Variants in KIF26B observed in about 807,000 individuals in gnomAD.
KIF26B encodes the protein kinesin-like protein KIF26B.
In KIF26B, 63 loss-of-function variants were observed where a neutral mutation model predicts 151.2. The observed-to-expected ratio is 0.42, with a 90% confidence interval of 0.34 to 0.51. The LOEUF (loss-of-function observed/expected upper bound fraction) is 0.51. Among genes scored for constraint, KIF26B ranks in the 20% least tolerant of loss-of-function variants. The pLI is 0.07. For synonymous variants in KIF26B, 1,357 were observed against 1,262.1 expected (o/e 1.08, Z -1.59); for missense variants, 2,813 against 2,913.6 (o/e 0.97, Z 0.79).
At chr1:245,482,370 G>A (rs1660186476) in intron 4 of KIF26B, among the ~76,000 whole-genome samples, 2 of 151,880 alleles carry the variant, frequency 1.3e-5, no homozygotes, top group Admixed American at 6.6e-5. Context: ...TTACAGGCAT[G>A]AGCCACCATG....
chr1:245,206,807 ATATCT>A (rs1318418717), intron 2 of KIF26B: 5 of 152,242 alleles, frequency 3.3e-5, no homozygotes, highest in Admixed American at 1.3e-4. Flanking sequence ...AAAAAATTAA[ATATCT>A]TAAGTTAGTT....
intron 2 of KIF26B, among the ~76,000 whole-genome samples, chr1:245,186,189 T>C (rs1668997644): frequency 6.6e-6 from 1 of 151,860 alleles, no homozygotes; most frequent in Non-Finnish European, 1.5e-5. Flanking sequence ...TTTCTTAAGA[T>C]GGTCCCTTCT....
At chr1:245,684,531 G>A (rs541356161) in intron 11 of KIF26B, 136 bp downstream of exon 11, 157 of 921,288 alleles carry the variant, frequency 1.7e-4, no homozygotes, top group Non-Finnish European at 2.3e-4. Context: ...CTGACAACAC[G>A]TGGCTCAGGG....
intron 4 of KIF26B, among the ~76,000 whole-genome samples, chr1:245,440,199 C>G (rs552619408): frequency 1.3e-5 from 2 of 150,686 alleles, no homozygotes; most frequent in Non-Finnish European, 2.9e-5. Flanking sequence ...CCAGCCTGGG[C>G]GACAGAGCCA....
At chr1:245,417,305 T>C (rs567503639) in intron 3 of KIF26B, among the ~76,000 whole-genome samples, 242 of 152,292 alleles carry the variant, frequency 1.6e-3, no homozygotes, top group African/African-American at 5.4e-3. Context: ...GGAAGACTTT[T>C]TTTTTTCTTA....
chr1:245,424,348 A>T (rs1180757796), intron 4 of KIF26B, among the ~76,000 whole-genome samples: 1 of 151,916 alleles, frequency 6.6e-6, no homozygotes. Flanking sequence ...GGGTTTCATC[A>T]TGTTGCCCAG....
intron 5 of KIF26B, among the ~76,000 whole-genome samples, chr1:245,590,665 T>G (rs2043278353): frequency 6.6e-6 from 1 of 152,074 alleles, no homozygotes; most frequent in African/African-American, 2.4e-5. Context: ...CCCAGCACGT[T>G]GGGAGTCCAA....
chr1:245,260,029 G>A (rs1179995144), intron 2 of KIF26B, among the ~76,000 whole-genome samples: 1 of 151,712 alleles, frequency 6.6e-6, no homozygotes, highest in Non-Finnish European at 1.5e-5. Flanking sequence ...ACAGGATGCT[G>A]TTCATTTATC....
chr1:245,575,390 G>C (rs112157528), intron 5 of KIF26B, among the ~76,000 whole-genome samples: 8,212 of 151,808 alleles, frequency 0.054, 522 homozygotes, highest in African/African-American at 0.15. Flanking sequence ...CAGGAGAATT[G>C]TTTGAACCCG....
intron 2 of KIF26B, among the ~76,000 whole-genome samples, chr1:245,292,985 A>G (rs1461631491): frequency 6.6e-6 from 1 of 152,138 alleles, no homozygotes; most frequent in Non-Finnish European, 1.5e-5. Context: ...CTTATCAATC[A>G]TGTTCAATAT....
chr1:245,215,216 C>A (rs1230970747), intron 2 of KIF26B, among the ~76,000 whole-genome samples: 1 of 152,102 alleles, frequency 6.6e-6, no homozygotes, highest in Non-Finnish European at 1.5e-5. Context: ...CAGATGGCAG[C>A]CACCATGGGA....
chr1:245,477,452 A>C (rs1182738842), intron 4 of KIF26B, among the ~76,000 whole-genome samples: 3 of 151,800 alleles, frequency 2.0e-5, no homozygotes, highest in African/African-American at 7.2e-5. Flanking sequence ...TCCACCACAA[A>C]CACAGTAGGT....
chr1:245,547,027 T>G (rs1469070668), intron 5 of KIF26B, among the ~76,000 whole-genome samples: 3 of 152,250 alleles, frequency 2.0e-5, no homozygotes, highest in South Asian at 2.1e-4. Flanking sequence ...CGGATGTAGA[T>G]TTCGCCAGCC....
At chr1:245,612,108 G>C in intron 9 of KIF26B, 132 bp downstream of exon 9, 3 of 495,834 alleles carry the variant, frequency 6.1e-6, no homozygotes, top group East Asian at 8.0e-5. Context: ...GTGTGTGTGA[G>C]AGAGAGAGAG....
Position 245,686,391 on chromosome 1 carries a change from G to T in KIF26B, c.3408G>T (p.Leu1136Phe). Residue 1136 changes from leucine to phenylalanine, a missense_variant, in exon 12 of 15, where the codon TTG (leucine) becomes TTT (phenylalanine). By Grantham distance (22) the Leu-to-Phe change is conservative. Transcript: ENST00000407071. This position sits in a 1 kb window ranked among gnomAD's most constrained non-coding sequence, Gnocchi z 5.6. ...CGGTTGGAATGAGCCCCCAGGTTTT[G>T]AAAAAATCCATGTCTGCTGGGAGCG... is the stretch of plus-strand genomic sequence containing the variant. ...TPPVGMSPQVLKKSMSAGSEG... is the reference protein window; with the variant it reads ...TPPVGMSPQVFKKSMSAGSEG... The T allele has an allele frequency of 6.2e-7, 1 of 1,613,410 alleles. No homozygotes were observed. Among genetic ancestry groups the T allele is most frequent in the Non-Finnish European group, 8.5e-7 (1 of 1,179,868 alleles).
rs2042982256 is a variant in KIF26B, at chr1:245,564,071, A to G, written c.1350+23121A>G. 6.6e-6 allele frequency among the ~76,000 whole-genome samples: 1 copy of G among 152,158 alleles called. No individual in the cohort carries two copies. Among genetic ancestry groups the G allele is most frequent in the Non-Finnish European group, 1.5e-5 (1 of 68,024 alleles). ...AAGCAGGTCACGCTGAGCTCGACACAGTCCAATCCCAAGTACCAGTCAGGC... is the reference window on the plus strand; with the variant it reads ...AAGCAGGTCACGCTGAGCTCGACACGGTCCAATCCCAAGTACCAGTCAGGC... On this transcript the variant is annotated intron_variant, in intron 5 of 14. Coordinates refer to ENST00000407071, the MANE Select transcript of KIF26B (RefSeq NM_018012.4). The surrounding 1 kb of genome is among the most constrained non-coding windows in gnomAD (Gnocchi z 4.6).
At chr1:245,349,075 C>T (rs982968176) in intron 2 of KIF26B, among the ~76,000 whole-genome samples, 11 of 152,248 alleles carry the variant, frequency 7.2e-5, no homozygotes, top group African/African-American at 2.2e-4. Flanking sequence ...AAGAGACCTC[C>T]GTGAGAGCAG....
chr1:245,564,744 C>T lies in KIF26B; in HGVS notation c.1350+23794C>T, dbSNP rs1263912746. 1.3e-5 allele frequency among the ~76,000 whole-genome samples: 2 copies of T among 152,156 alleles called. No homozygotes were observed. Among genetic ancestry groups the T allele is most frequent in the African/African-American group, 4.8e-5 (2 of 41,428 alleles). ...GACTGGTTTCACGGAAGACAGTTTTCCCACGGACCAAGGGTGGTGGTGGGG... is the reference window on the plus strand; with the variant it reads ...GACTGGTTTCACGGAAGACAGTTTTTCCACGGACCAAGGGTGGTGGTGGGG... On this transcript the variant is annotated intron_variant, in intron 5 of 14. Transcript: ENST00000407071. This position sits in a 1 kb window ranked among gnomAD's most constrained non-coding sequence, Gnocchi z 4.6.
chr1:245,580,665 G>A (rs35996600), intron 5 of KIF26B, among the ~76,000 whole-genome samples: 45,808 of 152,062 alleles, frequency 0.3, 7,101 homozygotes, highest in African/African-American at 0.36. Flanking sequence ...GGAAAAGGGT[G>A]GAGACTGAGT....
Sources: gnomAD v4.1 joint callset for allele counts (sites outside exome capture counted in the v4.1 genomes callset) on GRCh38, gnomAD v4.1.1 for gene constraint, Gnocchi (gnomAD v3.1) non-coding constraint, MANE v1.5 for transcripts, NCBI Gene and HGNC (gene_info 2026-07-23, HGNC 2026-07-21) for gene names.